The following DYNC2H1 variants were observed in gnomAD, a reference collection of about 807,000 sequenced individuals.
DYNC2H1 encodes the protein cytoplasmic dynein 2 heavy chain 1.
In DYNC2H1, 410 loss-of-function variants were observed where a neutral mutation model predicts 570.0. The ratio of observed to expected loss-of-function variants is 0.72; its 90% CI spans 0.66 to 0.78. The LOEUF (loss-of-function observed/expected upper bound fraction) is 0.78. DYNC2H1 is among the 30% of genes least tolerant of loss of function. The pLI is 0.00. For synonymous variants in DYNC2H1, 1,688 were observed against 1,677.6 expected (o/e 1.01, Z -0.15); for missense variants, 4,865 against 5,046.4 (o/e 0.96, Z 1.09).
intron 19 of DYNC2H1, 82 bp downstream of exon 19, chr11:103,147,969 C>A: frequency 1.9e-6 from 2 of 1,038,134 alleles, no homozygotes; most frequent in Non-Finnish European, 1.4e-6. Context: ...ATGTGAATTT[C>A]AATGATCATT....
rs764916573 is a variant in DYNC2H1, at chr11:103,173,226, G to C, written c.5479G>C (p.Glu1827Gln). 2.5e-6 allele frequency: 4 copies of C among 1,602,288 alleles called. No individual in the cohort carries two copies. The highest frequency in any genetic ancestry group is 1.7e-4 in the Middle Eastern group (1 of 6,030). Reference sequence around the variant, plus strand: ...TCATCCAGACAATGAGCTTATTGCAGAAGTTATTCTCTATTCGGAAGGCTT... The same window carrying C: ...TCATCCAGACAATGAGCTTATTGCACAAGTTATTCTCTATTCGGAAGGCTT... ...MSHPDNELIAEVILYSEGFKD... is the reference protein window; with the variant it reads ...MSHPDNELIAQVILYSEGFKD... The change falls in exon 35 of 89, where the codon GAA becomes CAA. Residue 1827 changes from glutamate to glutamine, a missense_variant. This residue lies in a region of DYNC2H1 where 292 missense variants were observed against 300.2 expected (regional missense o/e 0.97). Coordinates refer to ENST00000375735, the MANE Select transcript of DYNC2H1 (RefSeq NM_001377.3).
rs1306009089 is a variant in DYNC2H1, at chr11:103,187,437, C to T, written c.6991C>T (p.Leu2331=). ...CACTTCTCGACATCTCCTGCAGAAA[C>T]TGAGCCAGACTTGCATGGTAATCAG... ...QTTSRHLLQK[L]SQTCMVISTN... Residue 2331 remains leucine, a synonymous_variant, in exon 43 of 89, where the codon CTG becomes TTG. Coordinates refer to ENST00000375735, the MANE Select transcript of DYNC2H1 (RefSeq NM_001377.3). The T allele has an allele frequency of 1.2e-6, 2 of 1,613,344 alleles. No homozygotes were observed. The highest frequency in any genetic ancestry group is 1.1e-5 in the South Asian group (1 of 91,080).
intron 85 of DYNC2H1, among the ~76,000 whole-genome samples, chr11:103,449,044 G>T (rs935884768): frequency 2.0e-5 from 3 of 152,260 alleles, no homozygotes; most frequent in African/African-American, 7.2e-5. Context: ...TGATATGGTG[G>T]CATGTGAACA....
chr11:103,209,042 ACT>A lies in DYNC2H1; in HGVS notation c.8455-829_8455-828del, dbSNP rs1267266353. 6.6e-6 allele frequency among the ~76,000 whole-genome samples: 1 copy of A among 152,086 alleles called. No homozygotes were observed. Among genetic ancestry groups the A allele is most frequent in the African/African-American group, 2.4e-5 (1 of 41,402 alleles). ...TTTTGTCAGAAATCAGTGAAGGCAT[ACT>A]CTCTGTCACAAGAATTATGGTACAT... On this transcript the variant is annotated intron_variant, in intron 52 of 88. Transcript: ENST00000375735. This position sits in a 1 kb window ranked among gnomAD's most constrained non-coding sequence, Gnocchi z 4.2.
intron 83 of DYNC2H1, among the ~76,000 whole-genome samples, chr11:103,367,545 C>G (rs313375): frequency 0.6 from 91,721 of 151,742 alleles, 28,827 homozygotes; most frequent in East Asian, 0.7. Flanking sequence ...GATCAAATTA[C>G]GGTATTTAGC....
At chr11:103,156,893 CT>C in intron 26 of DYNC2H1, 123 bp downstream of exon 26, 1 of 1,218,766 alleles carries the variant, frequency 8.2e-7, no homozygotes, top group South Asian at 1.6e-5. Flanking sequence ...TATTCAAATT[CT>C]TTCCTAGTGG....
At chr11:103,342,014 G>A (rs1211155490) in intron 82 of DYNC2H1, among the ~76,000 whole-genome samples, 2 of 152,128 alleles carry the variant, frequency 1.3e-5, no homozygotes, top group African/African-American at 4.8e-5. Context: ...GGTGGCATGT[G>A]CCTATAGTCT....
At chr11:103,477,617 G>C (rs1945596480) in intron 88 of DYNC2H1, among the ~76,000 whole-genome samples, 1 of 151,864 alleles carries the variant, frequency 6.6e-6, no homozygotes, top group East Asian at 1.9e-4. Flanking sequence ...GTATCACGAG[G>C]TCAGGAGATG....
At chr11:103,197,321 G>A (rs1011374608) in intron 47 of DYNC2H1, among the ~76,000 whole-genome samples, 3 of 152,136 alleles carry the variant, frequency 2.0e-5, no homozygotes, top group African/African-American at 7.2e-5. Flanking sequence ...AGTAGTGGGA[G>A]AAAGGTAGAA....
intron 85 of DYNC2H1, among the ~76,000 whole-genome samples, chr11:103,441,177 C>T (rs1449646771): frequency 1.3e-5 from 2 of 152,100 alleles, no homozygotes. Flanking sequence ...TCTTGCTTTT[C>T]AGTGAACAAA....
chr11:103,299,052 G>A lies in DYNC2H1; in HGVS notation c.11096-4041G>A, dbSNP rs527563090. On this transcript the variant is annotated intron_variant, in intron 75 of 88. Transcript: ENST00000375735. This position sits in a 1 kb window ranked among gnomAD's most constrained non-coding sequence, Gnocchi z 4.5. ...TTCTGATATAATTTTGACTTAAAATGACTATCATGAGGAGTATATTATACT... is the reference window on the plus strand; with the variant it reads ...TTCTGATATAATTTTGACTTAAAATAACTATCATGAGGAGTATATTATACT... Among the ~76,000 whole-genome samples, 44 of 152,174 alleles carry A rather than the reference G, an allele frequency of 2.9e-4. No homozygotes were observed. The highest frequency in any genetic ancestry group is 6.0e-4 in the Non-Finnish European group (41 of 67,976).
rs564177895 is a variant in DYNC2H1, at chr11:103,299,690, A to G, written c.11096-3403A>G. ...AAACTGCTCCGCTTTCAAGGGGTCA[A>G]TTGATTAGCTTGGCCCACCTGAATA... On this transcript the variant is annotated intron_variant, in intron 75 of 88. Transcript: ENST00000375735. The surrounding 1 kb of genome is among the most constrained non-coding windows in gnomAD (Gnocchi z 4.5). Among the ~76,000 whole-genome samples the G allele has an allele frequency of 3.9e-5, 6 of 152,248 alleles. No individual in the cohort carries two copies. The highest frequency in any genetic ancestry group is 2.1e-4 in the South Asian group (1 of 4,830).
intron 73 of DYNC2H1, 100 bp downstream of exon 73, chr11:103,283,185 T>G: frequency 2.3e-6 from 2 of 878,778 alleles, no homozygotes; most frequent in East Asian, 2.9e-5. Flanking sequence ...TGTTAACATT[T>G]TTAATAGGAT....
chr11:103,226,521 C>T (rs622148), intron 59 of DYNC2H1, among the ~76,000 whole-genome samples: 142,023 of 152,310 alleles, frequency 0.93, 66,245 homozygotes, highest in African/African-American at 0.94. Flanking sequence ...TCACATTTAT[C>T]GACTTAACGT....
rs665756 is a variant in DYNC2H1, at chr11:103,245,744, G to T, written c.10042+370G>T. On this transcript the variant is annotated intron_variant, in intron 65 of 88. Transcript: ENST00000375735. This position sits in a 1 kb window ranked among gnomAD's most constrained non-coding sequence, Gnocchi z 4.5. ...GAGGATGGTGAGAACTCTCCCAAAAGCTAAGTTCCCAGGTGCTGGTTATGG... is the reference window on the plus strand; with the variant it reads ...GAGGATGGTGAGAACTCTCCCAAAATCTAAGTTCCCAGGTGCTGGTTATGG... Among the ~76,000 whole-genome samples the T allele has an allele frequency of 0.24, 37,040 of 151,924 alleles. 5,050 individuals carry two copies. Among genetic ancestry groups the T allele is most frequent in the African/African-American group, 0.38 (15,729 of 41,440 alleles).
At chr11:103,437,789 A>G (rs1944114853) in intron 85 of DYNC2H1, among the ~76,000 whole-genome samples, 1 of 152,166 alleles carries the variant, frequency 6.6e-6, no homozygotes, top group Admixed American at 6.6e-5. Flanking sequence ...TTAAAAGGAC[A>G]GGGACTTTAA....
chr11:103,128,721 T>G (rs1203465870), intron 12 of DYNC2H1, among the ~76,000 whole-genome samples, 189 bp from the exon 13 acceptor site: 2 of 152,212 alleles, frequency 1.3e-5, no homozygotes, highest in African/African-American at 4.8e-5. Flanking sequence ...TGGCAAATTG[T>G]AGGAACTCAA....
chr11:103,442,773 A>T (rs1311593086), intron 85 of DYNC2H1, among the ~76,000 whole-genome samples: 2 of 152,086 alleles, frequency 1.3e-5, no homozygotes, highest in Non-Finnish European at 2.9e-5. Context: ...AGCTTCCTGG[A>T]GTAGAATAAG....
Position 103,245,207 on chromosome 11 carries a change from A to G in DYNC2H1, c.9919-44A>G. 7.2e-7 allele frequency: 1 copy of G among 1,390,864 alleles called. No individual in the cohort carries two copies. Among genetic ancestry groups the G allele is most frequent in the South Asian group, 1.4e-5 (1 of 71,440 alleles). The allele number at this position is 1,390,864 out of a possible 1,614,324, so 86.2% of individuals were successfully genotyped here. A position where few individuals can be genotyped will look rare whatever the true frequency, so the allele number is the denominator to read the frequency against. On this transcript the variant is annotated intron_variant, in intron 64 of 88. Coordinates refer to ENST00000375735, the MANE Select transcript of DYNC2H1 (RefSeq NM_001377.3). This position sits in a 1 kb window ranked among gnomAD's most constrained non-coding sequence, Gnocchi z 4.5. ...CAAAGAAAGGATGTTTGTAAATATT[A>G]AAGTAATTAAATAATTAATACGTAT...
Sources: gnomAD v4.1 joint callset for allele counts (sites outside exome capture counted in the v4.1 genomes callset) on GRCh38, gnomAD v4.1.1 for gene constraint, gnomAD v4.1.1 regional missense constraint, Gnocchi (gnomAD v3.1) non-coding constraint, MANE v1.5 for transcripts, NCBI Gene and HGNC (gene_info 2026-07-23, HGNC 2026-07-21) for gene names.